Variants in CREB1 observed in about 807,000 individuals in gnomAD.
CREB1 encodes cyclic AMP-responsive element-binding protein 1.
Under a neutral mutation model 42.0 loss-of-function variants are expected in CREB1, and 2 were observed. That is an observed-to-expected ratio of 0.05 (90% confidence interval 0.02 to 0.15). The LOEUF (loss-of-function observed/expected upper bound fraction) is 0.15, where lower values mean the gene tolerates loss of function less well. Among genes scored for constraint, CREB1 ranks in the 10% least tolerant of loss-of-function variants. CREB1 has a pLI of 1.00. For synonymous variants in CREB1, 123 were observed against 139.9 expected (o/e 0.88, Z 0.85); for missense variants, 199 against 388.9 (o/e 0.51, Z 4.11).
chr2:207,575,978 A>G (rs984235003), intron 6 of CREB1, among the ~76,000 whole-genome samples: 1 of 109,198 alleles, frequency 9.2e-6, no homozygotes, highest in African/African-American at 3.6e-5. Flanking sequence ...TGAGATCATC[A>G]GTTTTTATTA....
chr2:207,543,148 C>T (rs1001745452), intron 1 of CREB1, among the ~76,000 whole-genome samples: 2 of 152,156 alleles, frequency 1.3e-5, no homozygotes, highest in Non-Finnish European at 2.9e-5. Flanking sequence ...GCCTGCCCAT[C>T]ACTTGACTCT....
chr2:207,535,539 A>G (rs975475371), intron 1 of CREB1, among the ~76,000 whole-genome samples: 1 of 151,932 alleles, frequency 6.6e-6, no homozygotes, highest in Non-Finnish European at 1.5e-5. Context: ...ACTTACCTTG[A>G]CGATTTTCTA....
intron 7 of CREB1, among the ~76,000 whole-genome samples, chr2:207,594,889 TCTG>T (rs955300173): frequency 5.9e-5 from 9 of 152,146 alleles, no homozygotes; most frequent in Non-Finnish European, 8.8e-5. Flanking sequence ...ATGGGTATTT[TCTG>T]CTGGTGGTGG....
intron 1 of CREB1, among the ~76,000 whole-genome samples, chr2:207,545,803 G>A (rs1018327828): frequency 2.7e-5 from 4 of 150,352 alleles, no homozygotes; most frequent in South Asian, 2.1e-4. Context: ...GCGCAATCTC[G>A]GCTCACTGCA....
intron 2 of CREB1, chr2:207,559,330 C>T (rs965894529): frequency 6.3e-5 from 61 of 974,294 alleles, no homozygotes; most frequent in Non-Finnish European, 7.1e-5. Flanking sequence ...CTCCCCTTCT[C>T]TTAGGTTGGG....
chr2:207,595,742 A>T lies in CREB1; in HGVS notation c.840-1172A>T, dbSNP rs567619923. On this transcript the variant is annotated intron_variant, in intron 7 of 7. Coordinates refer to ENST00000353267, the MANE Select transcript of CREB1 (RefSeq NM_004379.5). ...ACCACACTTGGCTAAATTTTTAAAA[A>T]TTTTTTTTTAGAGACAGGGTCTTAA... Among the ~76,000 whole-genome samples the T allele has an allele frequency of 2.0e-3, 304 of 151,504 alleles. 1 individual carries two copies. Among genetic ancestry groups the T allele is most frequent in the African/African-American group, 6.9e-3 (287 of 41,316 alleles).
intron 1 of CREB1, among the ~76,000 whole-genome samples, chr2:207,541,896 T>G (rs2081112599): frequency 6.6e-6 from 1 of 152,222 alleles, no homozygotes. Context: ...ATCACCTTTG[T>G]GTCTCTATAG....
intron 1 of CREB1, among the ~76,000 whole-genome samples, chr2:207,548,277 A>G (rs1335950246): frequency 6.6e-6 from 1 of 152,166 alleles, no homozygotes; most frequent in Non-Finnish European, 1.5e-5. Flanking sequence ...CAAGAACAAT[A>G]TCTTTGTCAT....
chr2:207,559,714 T>G (rs2106477635), intron 2 of CREB1, among the ~76,000 whole-genome samples: 1 of 152,280 alleles, frequency 6.6e-6, no homozygotes, highest in African/African-American at 2.4e-5. Context: ...GCAGTTAGAT[T>G]TTAGAACGTG....
intron 1 of CREB1, among the ~76,000 whole-genome samples, chr2:207,551,316 CT>C (rs764878965): frequency 6.6e-5 from 10 of 152,058 alleles, no homozygotes; most frequent in Non-Finnish European, 1.3e-4. Flanking sequence ...TGTTACAGCC[CT>C]TTACTATTGG....
chr2:207,571,738 C>T (rs1195571415), intron 5 of CREB1: 2 of 455,198 alleles, frequency 4.4e-6, no homozygotes, highest in Non-Finnish European at 8.8e-6. Context: ...CTTCAGCATA[C>T]CTGAGGGATA....
chr2:207,551,252 A>G (rs1228388862), intron 1 of CREB1, among the ~76,000 whole-genome samples: 1 of 152,246 alleles, frequency 6.6e-6, no homozygotes, highest in Non-Finnish European at 1.5e-5. Flanking sequence ...TACCTAAACT[A>G]CATTTTAAAC....
chr2:207,570,694 C>T (rs1390391687), intron 5 of CREB1, among the ~76,000 whole-genome samples: 16 of 152,032 alleles, frequency 1.1e-4, no homozygotes, highest in Admixed American at 1.0e-3. Flanking sequence ...TCTCGGTATT[C>T]ATTTTAATAG....
At chr2:207,564,751 G>C (rs2082079572) in intron 3 of CREB1, among the ~76,000 whole-genome samples, 1 of 152,038 alleles carries the variant, frequency 6.6e-6, no homozygotes, top group African/African-American at 2.4e-5. Flanking sequence ...CCAAAGTTGA[G>C]AAATACAGAC....
Position 207,602,086 on chromosome 2 carries a change from T to C in CREB1, c.*5028T>C, listed in dbSNP as rs569948783. The C allele has an allele frequency of 4.4e-4, 90 of 205,608 alleles. No individual in the cohort carries two copies. Among genetic ancestry groups the C allele is most frequent in the African/African-American group, 1.8e-3 (80 of 43,902 alleles). 12.7% of individuals were successfully genotyped at this position (205,608 alleles called of 1,614,324 possible). On this transcript the variant is annotated 3_prime_UTR_variant, in exon 8 of 8. Coordinates refer to ENST00000353267, the MANE Select transcript of CREB1 (RefSeq NM_004379.5). ...AAGTTCCATCTGTCTCATCTGCTTATGATAAGTTCTTATTGATTAGTGAAT... is the reference window on the plus strand; with the variant it reads ...AAGTTCCATCTGTCTCATCTGCTTACGATAAGTTCTTATTGATTAGTGAAT...
intron 5 of CREB1, among the ~76,000 whole-genome samples, chr2:207,574,868 A>G (rs1288153416): frequency 6.6e-6 from 1 of 152,206 alleles, no homozygotes; most frequent in African/African-American, 2.4e-5. Context: ...TAAGTGTATG[A>G]AAGTATATAA....
chr2:207,565,135 T>C (rs1303175961), intron 3 of CREB1, among the ~76,000 whole-genome samples: 1 of 152,068 alleles, frequency 6.6e-6, no homozygotes, highest in Non-Finnish European at 1.5e-5. Context: ...CATGGATAGC[T>C]TCCCCTGTTC....
chr2:207,553,062 CTTTTTTT>C (rs10561230), intron 1 of CREB1, among the ~76,000 whole-genome samples: 1 of 63,216 alleles, frequency 1.6e-5, no homozygotes, highest in East Asian at 4.6e-4. Flanking sequence ...TACAGGTAGA[CTTTTTTT>C]TTTTTTTTTT....
intron 7 of CREB1, among the ~76,000 whole-genome samples, chr2:207,594,668 T>C (rs911989455): frequency 1.3e-5 from 2 of 152,196 alleles, no homozygotes; most frequent in African/African-American, 4.8e-5. Context: ...TGAATAATGC[T>C]GCAATGAACA....
Sources: gnomAD v4.1 joint callset for allele counts (sites outside exome capture counted in the v4.1 genomes callset) on GRCh38, gnomAD v4.1.1 for gene constraint, MANE v1.5 for transcripts, NCBI Gene and HGNC (gene_info 2026-07-23, HGNC 2026-07-21) for gene names.